The following PTPRD variants were observed in gnomAD, a reference collection of about 807,000 sequenced individuals.
PTPRD encodes the protein protein tyrosine phosphatase receptor type D, also known as receptor-type tyrosine-protein phosphatase delta.
Under a neutral mutation model 214.5 loss-of-function variants are expected in PTPRD, and 34 were observed. The ratio of observed to expected loss-of-function variants is 0.16; its 90% CI spans 0.12 to 0.21. The LOEUF is 0.21. Ranked by LOEUF, PTPRD falls within the 10% of genes least tolerant of loss-of-function variation. PTPRD has a pLI of 1.00. For missense variants in PTPRD, 2,545 were observed against 2,398.7 expected, an observed-to-expected ratio of 1.06 and a Z score of -1.27; for synonymous variants, 1,128 against 845.7, an observed-to-expected ratio of 1.33 and a Z score of -5.79.
At chr9:9,188,069 T>C (rs566160921) in intron 9 of PTPRD, among the ~76,000 whole-genome samples, 1 of 152,196 alleles carries the variant, frequency 6.6e-6, no homozygotes, top group East Asian at 1.9e-4. Flanking sequence ...AACTCACTTT[T>C]TCCTCCTCAC....
chr9:9,056,162 A>G (rs1253259176), intron 10 of PTPRD, among the ~76,000 whole-genome samples: 6 of 152,216 alleles, frequency 3.9e-5, no homozygotes, highest in African/African-American at 1.4e-4. Flanking sequence ...TCTACGAAGA[A>G]GACAAAATCA....
At chr9:9,255,073 C>A (rs1307625117) in intron 9 of PTPRD, among the ~76,000 whole-genome samples, 1 of 152,010 alleles carries the variant, frequency 6.6e-6, no homozygotes, top group Non-Finnish European at 1.5e-5. Flanking sequence ...AATGCAACTG[C>A]ACTAAGTAAA....
intron 11 of PTPRD, among the ~76,000 whole-genome samples, chr9:8,913,999 T>C (rs1484278362): frequency 1.3e-5 from 2 of 152,144 alleles, no homozygotes; most frequent in Non-Finnish European, 2.9e-5. Context: ...GCTGTTATTC[T>C]CAGAGAACGG....
At chr9:9,896,287 G>A (rs1178651017) in intron 5 of PTPRD, among the ~76,000 whole-genome samples, 1 of 152,026 alleles carries the variant, frequency 6.6e-6, no homozygotes, top group Non-Finnish European at 1.5e-5. Flanking sequence ...AAGTTTTAAA[G>A]ACAAGGTAAG....
intron 11 of PTPRD, among the ~76,000 whole-genome samples, chr9:8,858,967 C>G (rs1461296555): frequency 2.6e-5 from 4 of 152,198 alleles, no homozygotes; most frequent in African/African-American, 4.8e-5. Context: ...CACACCCGGG[C>G]GCTTCCTGCT....
At position 9,369,184 on chromosome 9, in the gene PTPRD, C is replaced by T. The variant is rs1044492038; in HGVS notation, c.-203+28265G>A. Among the ~76,000 whole-genome samples, 4 of 151,504 alleles carry T rather than the reference C, an allele frequency of 2.6e-5. No individual in the cohort carries two copies. In the Admixed American group the frequency reaches 2.6e-4, roughly 10 times the overall value. Reference sequence around the variant, plus strand: ...CATTGTTGGACATTTGAGTTGGTTCCAAGTCTTCCACAATGGTTGAACTAG... The same window carrying T: ...CATTGTTGGACATTTGAGTTGGTTCTAAGTCTTCCACAATGGTTGAACTAG... On this transcript the variant is annotated intron_variant, in intron 9 of 45. Coordinates refer to ENST00000381196, the MANE Select transcript of PTPRD (RefSeq NM_002839.4).
chr9:9,752,671 G>C (rs1242529390), intron 6 of PTPRD, among the ~76,000 whole-genome samples: 2 of 151,960 alleles, frequency 1.3e-5, no homozygotes, highest in Admixed American at 6.6e-5. Flanking sequence ...AACCTCAAAA[G>C]TTTCATTTGG....
At chr9:9,045,433 G>A (rs1445138297) in intron 10 of PTPRD, among the ~76,000 whole-genome samples, 1 of 151,648 alleles carries the variant, frequency 6.6e-6, no homozygotes. Context: ...AGGGTCGGGG[G>A]TTGTGGTTTG....
chr9:9,265,007 G>A (rs566744688), intron 9 of PTPRD, among the ~76,000 whole-genome samples: 3 of 151,594 alleles, frequency 2.0e-5, no homozygotes, highest in East Asian at 2.0e-4. Context: ...GGTGTTCATC[G>A]CAACTAGACC....
chr9:10,340,343 C>T (rs1330401177), intron 3 of PTPRD, among the ~76,000 whole-genome samples: 2 of 152,046 alleles, frequency 1.3e-5, no homozygotes, highest in Admixed American at 1.3e-4. Flanking sequence ...TATACAGGGT[C>T]AACCCAAGTG....
chr9:9,252,200 G>A (rs2099975751), intron 9 of PTPRD, among the ~76,000 whole-genome samples: 1 of 151,938 alleles, frequency 6.6e-6, no homozygotes, highest in Non-Finnish European at 1.5e-5. Context: ...GGAAACAGCT[G>A]ACAAAGAAGA....
intron 12 of PTPRD, among the ~76,000 whole-genome samples, chr9:8,671,472 G>C (rs1233461566): frequency 6.6e-6 from 1 of 152,030 alleles, no homozygotes; most frequent in Non-Finnish European, 1.5e-5. Flanking sequence ...TACTTTTAAA[G>C]CTTATTGCTG....
chr9:8,409,940 C>T (rs1380098311), intron 35 of PTPRD, among the ~76,000 whole-genome samples: 1 of 152,142 alleles, frequency 6.6e-6, no homozygotes, highest in East Asian at 1.9e-4. Context: ...TCCAAAGAAA[C>T]AGTATCTTTT....
chr9:9,983,826 G>A (rs2095621146), intron 4 of PTPRD, among the ~76,000 whole-genome samples: 1 of 152,122 alleles, frequency 6.6e-6, no homozygotes, highest in Non-Finnish European at 1.5e-5. Context: ...CTAGGATATT[G>A]GAGTAACAAC....
intron 11 of PTPRD, among the ~76,000 whole-genome samples, chr9:8,778,363 G>C (rs2095563325): frequency 6.6e-6 from 1 of 152,134 alleles, no homozygotes; most frequent in South Asian, 2.1e-4. Flanking sequence ...TAGGCCTCAA[G>C]TCTTGTCTTT....
At chr9:9,464,779 T>C (rs952356812) in intron 8 of PTPRD, among the ~76,000 whole-genome samples, 2 of 152,166 alleles carry the variant, frequency 1.3e-5, no homozygotes, top group African/African-American at 4.8e-5. Context: ...TTTTCTTCCT[T>C]AACCATGATT....
Position 9,950,446 on chromosome 9 carries a change from C to T in PTPRD, c.-471-11836G>A, listed in dbSNP as rs188653961. 5.8e-5 allele frequency among the ~76,000 whole-genome samples: 2 copies of T among 34,656 alleles called. 1 individual carries two copies. Among genetic ancestry groups the T allele is most frequent in the Non-Finnish European group, 8.1e-5 (2 of 24,630 alleles). The allele number at this position is 34,656 out of a possible 152,430, so 22.7% of individuals were successfully genotyped here. A position where few individuals can be genotyped will look rare whatever the true frequency, so the allele number is the denominator to read the frequency against. ...TGGCTTTTAAGAAGAAAGTGGAGGC[C>T]GGGCGCGGTGGCTCACGCCTGTAAT... On this transcript the variant is annotated intron_variant, in intron 4 of 45. Coordinates refer to ENST00000381196, the MANE Select transcript of PTPRD (RefSeq NM_002839.4).
intron 44 of PTPRD, among the ~76,000 whole-genome samples, chr9:8,324,745 C>T (rs1426502711): frequency 3.3e-5 from 5 of 152,184 alleles, no homozygotes; most frequent in Non-Finnish European, 7.3e-5. Context: ...TATTTCTCCA[C>T]ATCCTCCCCA....
At chr9:8,826,023 A>T (rs2097168156) in intron 11 of PTPRD, among the ~76,000 whole-genome samples, 1 of 152,146 alleles carries the variant, frequency 6.6e-6, no homozygotes. Flanking sequence ...CTGGGAAGGC[A>T]GCACAGTAGA....
Sources: gnomAD v4.1 joint callset for allele counts (sites outside exome capture counted in the v4.1 genomes callset) on GRCh38, gnomAD v4.1.1 for gene constraint, MANE v1.5 for transcripts, NCBI Gene and HGNC (gene_info 2026-07-23, HGNC 2026-07-21) for gene names.